FAM193A: variants seen among roughly 807,000 people sequenced by gnomAD.
The protein encoded by FAM193A is family with sequence similarity 193 member A.
In FAM193A, 22 loss-of-function variants were observed where a neutral mutation model predicts 126.5. That is an observed-to-expected ratio of 0.17 (90% CI 0.12 to 0.25). FAM193A has a LOEUF of 0.25. Among genes scored for constraint, FAM193A ranks in the 10% least tolerant of loss-of-function variants. FAM193A has a pLI of 1.00. For missense variants in FAM193A, 1,675 were observed against 1,672.8 expected, an observed-to-expected ratio of 1.00 and a Z score of -0.02; for synonymous variants, 761 against 646.8, an observed-to-expected ratio of 1.18 and a Z score of -2.68.
chr4:2,539,636 A>G (rs1010948889), intron 1 of FAM193A, among the ~76,000 whole-genome samples: 2 of 151,668 alleles, frequency 1.3e-5, no homozygotes, highest in African/African-American at 4.8e-5. Flanking sequence ...TGAACTCTTG[A>G]CCTCAAGTGA....
At chr4:2,691,109 T>C (rs1285507661) in intron 15 of FAM193A, 139 bp downstream of exon 15, 6 of 716,750 alleles carry the variant, frequency 8.4e-6, no homozygotes, top group Non-Finnish European at 1.4e-5. Flanking sequence ...TGCCCAAAAA[T>C]GCTCACACAC....
intron 2 of FAM193A, among the ~76,000 whole-genome samples, chr4:2,624,602 T>G (rs112851303): frequency 1.4e-4 from 21 of 152,352 alleles, no homozygotes; most frequent in African/African-American, 4.8e-4. Context: ...CGTGGGCATA[T>G]CACTTTCCAG....
chr4:2,634,785 A>G (rs779986049), intron 5 of FAM193A, among the ~76,000 whole-genome samples: 3 of 152,236 alleles, frequency 2.0e-5, no homozygotes, highest in Non-Finnish European at 2.9e-5. Context: ...GCTACAGAAC[A>G]TCAAAGAAAA....
chr4:2,694,824 G>A (rs931674187), intron 16 of FAM193A, 122 bp from the exon 17 acceptor site: 10 of 782,662 alleles, frequency 1.3e-5, no homozygotes, highest in Non-Finnish European at 1.8e-5. Context: ...CTGGGACTAT[G>A]CACCCTCTGC....
chr4:2,646,676 C>A lies in FAM193A; in HGVS notation c.1164-9C>A. On this transcript the variant is annotated splice_polypyrimidine_tract_variant and intron_variant, in intron 6 of 20. Coordinates refer to ENST00000637812, the MANE Select transcript of FAM193A (RefSeq NM_001366318.2). The stretch of plus-strand genomic sequence containing the variant: ...TCTTTCCTTTGTTACAAGGCCTTCT[C>A]TCTCCTAGGCTAGGAACCACCACAC... The A allele has an allele frequency of 6.3e-7, 1 of 1,589,736 alleles. No homozygotes were observed. Among genetic ancestry groups the A allele is most frequent in the South Asian group, 1.1e-5 (1 of 87,772 alleles).
intron 1 of FAM193A, among the ~76,000 whole-genome samples, chr4:2,560,747 C>T (rs1738561738): frequency 1.3e-5 from 2 of 152,164 alleles, no homozygotes; most frequent in Non-Finnish European, 2.9e-5. Context: ...AATCTTTCCA[C>T]TTCTGTTGGG....
intron 2 of FAM193A, among the ~76,000 whole-genome samples, chr4:2,619,250 C>G (rs920166283): frequency 6.6e-6 from 1 of 151,766 alleles, no homozygotes; most frequent in African/African-American, 2.4e-5. Flanking sequence ...TTGCCAATTT[C>G]AGATTCTTGA....
intron 1 of FAM193A, among the ~76,000 whole-genome samples, chr4:2,553,811 T>G (rs1278982070): frequency 6.6e-6 from 1 of 152,114 alleles, no homozygotes; most frequent in African/African-American, 2.4e-5. Context: ...TGTAGGTCTT[T>G]CCCGTGCTGT....
intron 1 of FAM193A, among the ~76,000 whole-genome samples, chr4:2,575,465 ATT>A (rs33996164): frequency 1.2e-3 from 168 of 135,246 alleles, no homozygotes; most frequent in East Asian, 3.0e-3. Flanking sequence ...AGATACTGGG[ATT>A]TTTTTTTTTT....
chr4:2,568,392 C>G (rs1455969689), intron 1 of FAM193A, among the ~76,000 whole-genome samples: 5 of 152,136 alleles, frequency 3.3e-5, no homozygotes, highest in African/African-American at 1.2e-4. Context: ...TGGTGGTGCA[C>G]ACCTGTAGTA....
intron 12 of FAM193A, among the ~76,000 whole-genome samples, chr4:2,670,116 G>T (rs1339086922): frequency 6.6e-6 from 1 of 152,074 alleles, no homozygotes; most frequent in Non-Finnish European, 1.5e-5. Context: ...CTGAGCGTCT[G>T]CATACTTTCC....
At chr4:2,548,890 C>T (rs1249765917) in intron 1 of FAM193A, among the ~76,000 whole-genome samples, 1 of 151,412 alleles carries the variant, frequency 6.6e-6, no homozygotes, top group Non-Finnish European at 1.5e-5. Context: ...GATTTTTTTC[C>T]TTCTATGTTT....
chr4:2,696,112 G>A (rs924855033), intron 17 of FAM193A, among the ~76,000 whole-genome samples: 2 of 152,136 alleles, frequency 1.3e-5, no homozygotes, highest in East Asian at 3.8e-4. Context: ...ATCCACTTAT[G>A]TGCATAGCTA....
chr4:2,646,309 A>G (rs758291240), intron 6 of FAM193A, among the ~76,000 whole-genome samples: 40 of 151,886 alleles, frequency 2.6e-4, no homozygotes, highest in Middle Eastern at 3.4e-3. Flanking sequence ...AGCTGGGGCT[A>G]TGAGTGCCTG....
chr4:2,677,721 A>G (rs1714584057), intron 13 of FAM193A, among the ~76,000 whole-genome samples: 1 of 150,946 alleles, frequency 6.6e-6, no homozygotes. Context: ...AGCCTGGGCA[A>G]CAAGAGGGAA....
chr4:2,628,851 C>CT (rs1743244250), intron 4 of FAM193A, among the ~76,000 whole-genome samples: 1 of 146,228 alleles, frequency 6.8e-6, no homozygotes, highest in Non-Finnish European at 1.5e-5. Context: ...TGCTGTCTCT[C>CT]TCTTTTTTTT....
At chr4:2,599,694 C>T (rs1047635124) in intron 2 of FAM193A, among the ~76,000 whole-genome samples, 2 of 152,026 alleles carry the variant, frequency 1.3e-5, no homozygotes, top group African/African-American at 4.8e-5. Flanking sequence ...TCATCTTGAT[C>T]ATTGTCTGTC....
chr4:2,721,089 G>A (rs2109396470), intron 20 of FAM193A, among the ~76,000 whole-genome samples: 1 of 152,104 alleles, frequency 6.6e-6, no homozygotes, highest in East Asian at 1.9e-4. Context: ...CGAGGCAGGT[G>A]GATCACGAGG....
chr4:2,571,358 G>T (rs1739282451), intron 1 of FAM193A, among the ~76,000 whole-genome samples: 1 of 152,144 alleles, frequency 6.6e-6, no homozygotes, highest in South Asian at 2.1e-4. Context: ...GCACCACCTT[G>T]CCAGCAGCTC....
Sources: allele counts gnomAD v4.1 joint callset (sites outside exome capture counted in the v4.1 genomes callset), GRCh38; gene constraint gnomAD v4.1.1; transcripts MANE v1.5; gene names NCBI Gene and HGNC (gene_info 2026-07-23, HGNC 2026-07-21).